Variants in DOCK5 observed in about 807,000 individuals in gnomAD.
DOCK5 encodes the protein dedicator of cytokinesis protein 5.
In DOCK5, 142 loss-of-function variants were observed where a neutral mutation model predicts 251.8. The ratio of observed to expected loss-of-function variants is 0.56; its 90% confidence interval spans 0.49 to 0.65. The LOEUF is 0.65. DOCK5 is among the 30% of genes least tolerant of loss of function. The pLI, the probability that DOCK5 is intolerant of heterozygous loss-of-function variation, is 0.00. For synonymous variants in DOCK5, 842 were observed against 835.5 expected (o/e 1.01, Z -0.13); for missense variants, 2,111 against 2,312.3 (o/e 0.91, Z 1.79).
At position 25,411,366 on chromosome 8, in the gene DOCK5, G is replaced by A; in HGVS notation, c.*68G>A. On this transcript the variant is annotated 3_prime_UTR_variant, in exon 52 of 52. Transcript: ENST00000276440. ...CTGCCTGAGAACTGGCCTCCAGCCG[G>A]TGTCCTCATTCCATGGGGCTCCCTG... 1 of 1,364,904 alleles carries A rather than the reference G, an allele frequency of 7.3e-7. No individual in the cohort carries two copies. The highest frequency in any genetic ancestry group is 9.5e-7 in the Non-Finnish European group (1 of 1,054,610). The allele number at this position is 1,364,904 out of a possible 1,614,324, so 84.5% of individuals were successfully genotyped here. A position where few individuals can be genotyped will look rare whatever the true frequency, so the allele number is the denominator to read the frequency against.
intron 13 of DOCK5, among the ~76,000 whole-genome samples, chr8:25,311,220 T>G (rs561995647): frequency 1.3e-5 from 2 of 152,310 alleles, no homozygotes. Context: ...TGCTATAAAC[T>G]AATTGATATT....
At chr8:25,264,121 G>T (rs1476901616) in intron 2 of DOCK5, among the ~76,000 whole-genome samples, 2 of 151,824 alleles carry the variant, frequency 1.3e-5, no homozygotes, top group Non-Finnish European at 2.9e-5. Flanking sequence ...CTAGCACTTT[G>T]GGAGGTCTAG....
chr8:25,288,641 T>C (rs1175546480), intron 5 of DOCK5, among the ~76,000 whole-genome samples: 2 of 152,220 alleles, frequency 1.3e-5, no homozygotes, highest in Non-Finnish European at 2.9e-5. Flanking sequence ...GAAAACACTT[T>C]GAATAGCTAA....
chr8:25,280,475 G>A (rs573528247), intron 5 of DOCK5, among the ~76,000 whole-genome samples: 1 of 152,280 alleles, frequency 6.6e-6, no homozygotes, highest in South Asian at 2.1e-4. Flanking sequence ...GTTTCCCTTG[G>A]TTAATCACAG....
At chr8:25,382,561 G>A in intron 39 of DOCK5, 113 bp from the exon 40 acceptor site, 3 of 838,540 alleles carry the variant, frequency 3.6e-6, no homozygotes, top group East Asian at 5.4e-5. Context: ...GTTTTCCAAA[G>A]ACCTTTCATT....
chr8:25,392,133 C>T (rs1314459096), intron 43 of DOCK5, among the ~76,000 whole-genome samples, 153 bp downstream of exon 43: 3 of 152,082 alleles, frequency 2.0e-5, no homozygotes, highest in South Asian at 2.1e-4. Flanking sequence ...GAAACCCCAT[C>T]GGTACTAAAA....
chr8:25,255,574 T>G (rs1803399025), intron 2 of DOCK5, among the ~76,000 whole-genome samples: 1 of 152,096 alleles, frequency 6.6e-6, no homozygotes, highest in Admixed American at 6.5e-5. Context: ...GAGCAGTAAA[T>G]CTACTCTGTA....
chr8:25,309,392 C>G (rs1444061385), intron 12 of DOCK5, among the ~76,000 whole-genome samples: 1 of 152,024 alleles, frequency 6.6e-6, no homozygotes, highest in Non-Finnish European at 1.5e-5. Context: ...CTATATTGCC[C>G]AGGCTGGTCT....
intron 1 of DOCK5, 143 bp from the exon 2 acceptor site, chr8:25,243,531 A>G: frequency 4.9e-6 from 3 of 612,420 alleles, no homozygotes; most frequent in Non-Finnish European, 8.3e-6. Context: ...GGGTTTCACC[A>G]TCTTGGCCAG....
intron 1 of DOCK5, among the ~76,000 whole-genome samples, chr8:25,221,153 T>C (rs534692207): frequency 2.1e-4 from 32 of 152,350 alleles, no homozygotes; most frequent in African/African-American, 7.0e-4. Flanking sequence ...TGTTTGCTGC[T>C]TCTCCCAGTT....
chr8:25,304,471 C>T (rs954524044), intron 11 of DOCK5, 144 bp downstream of exon 11: 4 of 663,222 alleles, frequency 6.0e-6, no homozygotes, highest in Non-Finnish European at 9.7e-6. Context: ...AGGAGCTGAA[C>T]AGAAGACTTT....
At chr8:25,241,880 A>G (rs1802957827) in intron 1 of DOCK5, among the ~76,000 whole-genome samples, 1 of 152,164 alleles carries the variant, frequency 6.6e-6, no homozygotes, top group Non-Finnish European at 1.5e-5. Context: ...GGAAACCATC[A>G]TTCTCAGCAA....
chr8:25,343,425 G>A (rs1359890780), intron 25 of DOCK5, among the ~76,000 whole-genome samples: 1 of 152,164 alleles, frequency 6.6e-6, no homozygotes, highest in Non-Finnish European at 1.5e-5. Flanking sequence ...GTTTTAAGGA[G>A]AATCTAAAGT....
chr8:25,361,397 G>C (rs866984558), intron 28 of DOCK5, among the ~76,000 whole-genome samples: 1 of 152,090 alleles, frequency 6.6e-6, no homozygotes. Context: ...ATCACTGGAA[G>C]TCAGGAGTTC....
At chr8:25,375,704 G>T (rs932287039) in intron 37 of DOCK5, 1 of 983,984 alleles carries the variant, frequency 1.0e-6, no homozygotes, top group Non-Finnish European at 1.2e-6. Flanking sequence ...TAATATATGG[G>T]CATTGTCCGA....
chr8:25,386,867 G>C (rs1801173625), intron 40 of DOCK5, among the ~76,000 whole-genome samples: 1 of 152,208 alleles, frequency 6.6e-6, no homozygotes, highest in East Asian at 1.9e-4. Context: ...TAATCACTGA[G>C]TCTTGGTTTT....
chr8:25,287,094 C>G (rs1197445083), intron 5 of DOCK5, among the ~76,000 whole-genome samples: 2 of 152,142 alleles, frequency 1.3e-5, no homozygotes, highest in Admixed American at 1.3e-4. Flanking sequence ...CTCCTGCTTT[C>G]CTGTGAGTAT....
Position 25,187,364 on chromosome 8 carries a change from T to TTGTGTG in DOCK5, c.43+2441_43+2446dup, listed in dbSNP as rs34685735. On this transcript the variant is annotated intron_variant, in intron 1 of 51. Transcript: ENST00000276440. ...ATGTATATGGAAATATGGGTGGAAA[T>TTGTGTG]TGTGTGTGTGTGTGTGTGTGTGTGT... Among the ~76,000 whole-genome samples, 243 of 136,608 alleles carry TTGTGTG rather than the reference T, an allele frequency of 1.8e-3. 1 individual carries two copies. Among genetic ancestry groups the TTGTGTG allele is most frequent in the African/African-American group, 5.7e-3 (207 of 36,526 alleles). 89.6% of individuals were successfully genotyped at this position (136,608 alleles called of 152,430 possible).
At position 25,376,295 on chromosome 8, in the gene DOCK5, T is replaced by C. The variant is rs183458215; in HGVS notation, c.3817-1010T>C. 2,198 of 984,356 alleles carry C rather than the reference T, an allele frequency of 2.2e-3. 6 individuals carry two copies. Among genetic ancestry groups the C allele is most frequent in the South Asian group, 3.0e-3 (63 of 21,274 alleles). 61.0% of individuals were successfully genotyped at this position (984,356 alleles called of 1,614,324 possible). On this transcript the variant is annotated intron_variant, in intron 37 of 51. Transcript: ENST00000276440. ...TATGAGGTATGAATGCAGCTTTTTT[T>C]CCCCCCAGATTGCTATTCAATAGAG...
Sources: gnomAD v4.1 joint callset for allele counts (sites outside exome capture counted in the v4.1 genomes callset) on GRCh38, gnomAD v4.1.1 for gene constraint, MANE v1.5 for transcripts, NCBI Gene and HGNC (gene_info 2026-07-23, HGNC 2026-07-21) for gene names.